Variants in CNTN5 observed in about 807,000 individuals in gnomAD.
CNTN5 encodes the protein contactin-5.
CNTN5 carries 77 observed loss-of-function variants against 129.1 expected under a neutral mutation model. The ratio of observed to expected loss-of-function variants is 0.60; its 90% CI spans 0.50 to 0.72. CNTN5 has a LOEUF of 0.72. Ranked by LOEUF, CNTN5 falls within the 30% of genes least tolerant of loss-of-function variation. The pLI, the probability that CNTN5 is intolerant of heterozygous loss-of-function variation, is 0.00. For synonymous variants in CNTN5, 509 were observed against 465.6 expected, an observed-to-expected ratio of 1.09 and a Z score of -1.20; for missense variants, 1,478 against 1,328.8, an observed-to-expected ratio of 1.11 and a Z score of -1.75.
intron 1 of CNTN5, among the ~76,000 whole-genome samples, chr11:99,252,651 T>C (rs1862171508): frequency 6.6e-6 from 1 of 152,018 alleles, no homozygotes. Context: ...GAGCATAAAA[T>C]ATTAACCCAT....
chr11:99,362,108 A>G (rs1939150708), intron 2 of CNTN5, among the ~76,000 whole-genome samples: 1 of 151,982 alleles, frequency 6.6e-6, no homozygotes, highest in African/African-American at 2.4e-5. Flanking sequence ...CAAGTGTTCT[A>G]ATTTCTATTC....
At chr11:100,227,773 T>C (rs952327049) in intron 16 of CNTN5, among the ~76,000 whole-genome samples, 4 of 152,074 alleles carry the variant, frequency 2.6e-5, no homozygotes, top group African/African-American at 9.7e-5. Context: ...GCTATAACAA[T>C]AGAGAAAGCA....
intron 1 of CNTN5, among the ~76,000 whole-genome samples, chr11:99,212,243 G>C (rs537137357): frequency 6.6e-6 from 1 of 152,230 alleles, no homozygotes; most frequent in South Asian, 2.1e-4. Context: ...AACTTATACA[G>C]AGTGCCTATG....
chr11:99,359,257 A>G (rs970555977), intron 2 of CNTN5, among the ~76,000 whole-genome samples: 3 of 152,110 alleles, frequency 2.0e-5, no homozygotes, highest in Admixed American at 6.5e-5. Context: ...AACCAACTCT[A>G]TATGTCCTTA....
rs535240425 is a variant in CNTN5, at chr11:100,180,425, A to G, written c.1581-10701A>G. 2.6e-5 allele frequency among the ~76,000 whole-genome samples: 4 copies of G among 152,104 alleles called. No homozygotes were observed. In the East Asian group the frequency reaches 5.8e-4, roughly 22 times the overall value. On this transcript the variant is annotated intron_variant, in intron 13 of 24. Coordinates refer to ENST00000524871, the MANE Select transcript of CNTN5 (RefSeq NM_014361.4). ...AATATCCTGAGGCAAAAACAAAGAC[A>G]AACAACAACAACAAACCTCTCAACC... is the stretch of plus-strand genomic sequence containing the variant.
At chr11:99,304,470 A>G (rs1292159167) in intron 1 of CNTN5, among the ~76,000 whole-genome samples, 1 of 152,214 alleles carries the variant, frequency 6.6e-6, no homozygotes, top group Non-Finnish European at 1.5e-5. Flanking sequence ...TGAATGAATC[A>G]GGTCTAATAC....
intron 2 of CNTN5, among the ~76,000 whole-genome samples, chr11:99,357,124 A>T (rs917936550): frequency 6.6e-6 from 1 of 151,834 alleles, no homozygotes; most frequent in Non-Finnish European, 1.5e-5. Flanking sequence ...AAAGAGCCTA[A>T]GGAATTTGAT....
rs368594600 is a variant in CNTN5 at position 100,036,966 on chromosome 11, C to A, written c.981-24246C>A. Among the ~76,000 whole-genome samples, 96 of 150,974 alleles carry A rather than the reference C, an allele frequency of 6.4e-4. No homozygotes were observed. The East Asian group carries it at 0.012, about 19-fold the overall frequency. The stretch of plus-strand genomic sequence containing the variant: ...CTAATTGAAGACCCTTTATTCCCTT[C>A]TCCTGCCTGATTGCCCTGCCCAGAA... On this transcript the variant is annotated intron_variant, in intron 9 of 24. Transcript: ENST00000524871.
chr11:99,787,766 T>C (rs1221518678), intron 3 of CNTN5, among the ~76,000 whole-genome samples: 2 of 152,030 alleles, frequency 1.3e-5, no homozygotes, highest in African/African-American at 2.4e-5. Flanking sequence ...AGACATGTGC[T>C]ATACATATAA....
Position 99,915,531 on chromosome 11 carries a change from C to T in CNTN5, c.578-523C>T, listed in dbSNP as rs147016512. ...ATGAAAGTCACATAACTTTCTTATT[C>T]ACATTTATAGAAAAAGAATGCTTTT... On this transcript the variant is annotated intron_variant, in intron 6 of 24. Coordinates refer to ENST00000524871, the MANE Select transcript of CNTN5 (RefSeq NM_014361.4). Among the ~76,000 whole-genome samples, 1,378 of 152,234 alleles carry T rather than the reference C, an allele frequency of 9.1e-3. 14 individuals carry two copies. Among genetic ancestry groups the T allele is most frequent in the Non-Finnish European group, 0.015 (1,011 of 68,004 alleles).
At chr11:99,342,571 CAAAAAAAAAAAAAAAAAA>C (rs58710723) in intron 2 of CNTN5, among the ~76,000 whole-genome samples, 3 of 24,492 alleles carry the variant, frequency 1.2e-4, no homozygotes, top group South Asian at 3.2e-3. Flanking sequence ...CCCGTTATCT[CAAAAAAAAAAAAAAAAAA>C]AAAAAAAAAA....
chr11:99,518,031 G>T (rs1947126522), intron 2 of CNTN5, among the ~76,000 whole-genome samples: 1 of 152,052 alleles, frequency 6.6e-6, no homozygotes, highest in South Asian at 2.1e-4. Flanking sequence ...ACCTAGAAAA[G>T]AATCAATTCA....
At position 100,210,239 on chromosome 11, in the gene CNTN5, CTACAAGGG is replaced by C. The variant is rs1472707217; in HGVS notation, c.1885-14452_1885-14445del. 4.0e-5 allele frequency among the ~76,000 whole-genome samples: 6 copies of C among 148,862 alleles called. No homozygotes were observed. The East Asian group carries it at 1.0e-3, about 25-fold the overall frequency. On this transcript the variant is annotated intron_variant, in intron 15 of 24. Coordinates refer to ENST00000524871, the MANE Select transcript of CNTN5 (RefSeq NM_014361.4). Reference sequence around the variant, plus strand: ...TGATGGCATGTATCTGTAGTCCCAGCTACAAGGGAGACAGGTGGGAGGATCGCTTGAGC... The same window carrying C: ...TGATGGCATGTATCTGTAGTCCCAGCAGACAGGTGGGAGGATCGCTTGAGC...
chr11:100,072,346 C>T (rs1451630756), intron 12 of CNTN5, among the ~76,000 whole-genome samples: 1 of 152,150 alleles, frequency 6.6e-6, no homozygotes, highest in Non-Finnish European at 1.5e-5. Context: ...TTCCTGATGC[C>T]AGGCACTACA....
At chr11:100,020,845 T>A (rs2137563267) in intron 9 of CNTN5, among the ~76,000 whole-genome samples, 1 of 152,098 alleles carries the variant, frequency 6.6e-6, no homozygotes, top group South Asian at 2.1e-4. Flanking sequence ...ATAAAATACT[T>A]AGCAATAAAT....
intron 17 of CNTN5, among the ~76,000 whole-genome samples, chr11:100,258,002 C>T (rs1950112934): frequency 1.3e-5 from 2 of 152,180 alleles, no homozygotes; most frequent in Non-Finnish European, 2.9e-5. Context: ...GCTAAAGGAG[C>T]ATGTTCTAAC....
chr11:100,210,285 G>C (rs954634284), intron 15 of CNTN5, among the ~76,000 whole-genome samples: 45 of 150,658 alleles, frequency 3.0e-4, no homozygotes, highest in African/African-American at 1.0e-3. Flanking sequence ...AGGAGGCAGA[G>C]GTTGCCGTGA....
chr11:99,995,003 TAAAG>T (rs1320924041), intron 8 of CNTN5, among the ~76,000 whole-genome samples: 1 of 152,186 alleles, frequency 6.6e-6, no homozygotes, highest in Non-Finnish European at 1.5e-5. Flanking sequence ...ACATTATTGA[TAAAG>T]AGAGAAGAAG....
chr11:99,158,345 G>T (rs1399929735), intron 1 of CNTN5, among the ~76,000 whole-genome samples: 2 of 152,192 alleles, frequency 1.3e-5, no homozygotes, highest in East Asian at 3.9e-4. Flanking sequence ...TCGTGTCTTG[G>T]ATATTCACAG....
Sources: gnomAD v4.1 joint callset for allele counts (sites outside exome capture counted in the v4.1 genomes callset) on GRCh38, gnomAD v4.1.1 for gene constraint, MANE v1.5 for transcripts, NCBI Gene and HGNC (gene_info 2026-07-23, HGNC 2026-07-21) for gene names.